Variants in RTN4R observed in about 807,000 individuals in gnomAD.
The protein encoded by RTN4R is reticulon 4 receptor, also known as reticulon-4 receptor.
A neutral mutation model predicts 27.7 loss-of-function variants in RTN4R; 4 were observed. The observed-to-expected ratio is 0.14, with a 90% CI of 0.07 to 0.33. The LOEUF (loss-of-function observed/expected upper bound fraction) is 0.33. Among genes scored for constraint, RTN4R ranks in the 10% least tolerant of loss-of-function variants. The pLI is 1.00. For missense variants in RTN4R, 554 were observed against 671.5 expected (o/e 0.83, Z 1.93); for synonymous variants, 290 against 305.6 (o/e 0.95, Z 0.53).
chr22:20,252,675 C>T (rs2051191206), intron 1 of RTN4R, among the ~76,000 whole-genome samples: 1 of 152,160 alleles, frequency 6.6e-6, no homozygotes, highest in Non-Finnish European at 1.5e-5. Context: ...CCAGGGATGA[C>T]ACAGCAGGGA....
rs932130448 is a variant in RTN4R at position 20,245,813 on chromosome 22, C to T, written c.23-2703G>A. Among the ~76,000 whole-genome samples the T allele has an allele frequency of 4.6e-5, 7 of 152,202 alleles. No homozygotes were observed. The East Asian group carries it at 5.8e-4, about 13-fold the overall frequency. ...AGTCTCACCCTGGCCCCAGTTCTCA[C>T]GGAGCCTCCAGTATGAGCTCTGTCC... On this transcript the variant is annotated intron_variant, in intron 1 of 1. Transcript: ENST00000043402.
chr22:20,256,031 C>G (rs2051210323), intron 1 of RTN4R, among the ~76,000 whole-genome samples: 1 of 152,226 alleles, frequency 6.6e-6, no homozygotes, highest in African/African-American at 2.4e-5. Flanking sequence ...GGGATGGAAA[C>G]TGTTGTCGGC....
Position 20,242,972 on chromosome 22 carries a change from C to T in RTN4R, c.161G>A (p.Gly54Asp). 1 of 1,611,668 alleles carries T rather than the reference C, an allele frequency of 6.2e-7. No homozygotes were observed. The highest frequency in any genetic ancestry group is 8.5e-7 in the Non-Finnish European group (1 of 1,179,726). Residue 54 changes from glycine to aspartate, a missense_variant, in exon 2 of 2, where the codon GGC becomes GAC. Coordinates refer to ENST00000043402, the MANE Select transcript of RTN4R (RefSeq NM_023004.6). ...PQQGLQAVPV[G>D]IPAASQRIFL... ...GATGCGCTGGCTGGCAGCAGGGATG[C>T]CCACGGGCACAGCCTGCAGGCCCTG...
At chr22:20,251,965 CATCACT>C (rs2051184807) in intron 1 of RTN4R, among the ~76,000 whole-genome samples, 2 of 39,480 alleles carry the variant, frequency 5.1e-5, no homozygotes, top group Admixed American at 2.8e-4. Flanking sequence ...TCCTTATCCT[CATCACT>C]ATCACCATCA....
chr22:20,242,679 C>T lies in RTN4R; in HGVS notation c.454G>A (p.Gly152Ser), dbSNP rs780602649. Residue 152 changes from glycine (G) to serine (S), a missense_variant, in exon 2 of 2, where the codon GGC (glycine) becomes AGC (serine). Gly to Ser is a moderately conservative substitution (Grantham distance 56). Coordinates refer to ENST00000043402, the MANE Select transcript of RTN4R (RefSeq NM_023004.6). ...TAGAGGTACTGCAGGGCAGCCAGGC[C>T]GCGGAACAGCCCCGGGCCCAGCTCC... ...LQELGPGLFR[G>S]LAALQYLYLQ... 8.1e-6 allele frequency: 13 copies of T among 1,612,366 alleles called. No homozygotes were observed. The highest frequency in any genetic ancestry group is 2.7e-5 in the African/African-American group (2 of 74,936).
At chr22:20,250,745 T>A (rs1193907206) in intron 1 of RTN4R, among the ~76,000 whole-genome samples, 1 of 151,772 alleles carries the variant, frequency 6.6e-6, no homozygotes, top group African/African-American at 2.4e-5. Flanking sequence ...CTGTCAGGAG[T>A]CTCACAGTCA....
At chr22:20,258,850 T>C (rs1013044545) in intron 1 of RTN4R, among the ~76,000 whole-genome samples, 1 of 151,976 alleles carries the variant, frequency 6.6e-6, no homozygotes, top group African/African-American at 2.4e-5. Context: ...GTGGTTGGGG[T>C]GGCTTCCCGG....
At chr22:20,261,482 C>T (rs1172740958) in intron 1 of RTN4R, among the ~76,000 whole-genome samples, 2 of 152,210 alleles carry the variant, frequency 1.3e-5, no homozygotes, top group African/African-American at 2.4e-5. Context: ...AGTGCTCACT[C>T]ACCACCGCTC....
intron 1 of RTN4R, among the ~76,000 whole-genome samples, chr22:20,267,023 C>A (rs951373375): frequency 5.3e-5 from 8 of 152,342 alleles, no homozygotes; most frequent in Middle Eastern, 3.4e-3. Context: ...GTGGTTATTG[C>A]GAAAGGGGCC....
chr22:20,265,194 A>G (rs2145987006), intron 1 of RTN4R, among the ~76,000 whole-genome samples: 1 of 152,284 alleles, frequency 6.6e-6, no homozygotes. Flanking sequence ...GGCAGGGACG[A>G]GGAGAGGGCA....
At chr22:20,265,501 A>G (rs1455610323) in intron 1 of RTN4R, among the ~76,000 whole-genome samples, 3 of 151,880 alleles carry the variant, frequency 2.0e-5, no homozygotes, top group Non-Finnish European at 4.4e-5. Flanking sequence ...ATGCAAACCT[A>G]CGTTTCTGCC....
Position 20,242,279 on chromosome 22 carries a change from A to G in RTN4R, c.854T>C (p.Val285Ala). 1.3e-6 allele frequency: 2 copies of G among 1,598,690 alleles called. No individual in the cohort carries two copies. Among genetic ancestry groups the G allele is most frequent in the Non-Finnish European group, 8.5e-7 (1 of 1,173,856 alleles). Residue 285 changes from valine (V) to alanine (A), a missense_variant, in exon 2 of 2, where the codon GTG becomes GCG. Around this residue, in one of 2 missense-constraint regions of RTN4R, gnomAD observed 413 missense variants for 542.3 expected, o/e 0.76. Coordinates refer to ENST00000043402, the MANE Select transcript of RTN4R (RefSeq NM_023004.6). ...CAGGCGTTGCGGGAGGCTGCAGGGC[A>G]CCTCGGAGGAGGAGCCGCGGAACTT... is the stretch of plus-strand genomic sequence containing the variant. ...LQKFRGSSSE[V>A]PCSLPQRLAG... is the part of the protein sequence containing the mutation.
intron 1 of RTN4R, chr22:20,267,648 T>A: frequency 2.1e-6 from 1 of 467,058 alleles, no homozygotes; most frequent in South Asian, 1.6e-5. Context: ...ACCGTGAGGC[T>A]GGGGTGGAGG....
In RTN4R at chr22:20,242,067, C is replaced by T. The variant is rs138981042; in HGVS notation, c.1066G>A (p.Gly356Ser). The change falls in exon 2 of 2, where the codon GGC becomes AGC. Residue 356 changes from glycine (G) to serine (S), a missense_variant. Coordinates refer to ENST00000043402, the MANE Select transcript of RTN4R (RefSeq NM_023004.6). Reference sequence around the variant, plus strand: ...GGCACGCGTCCCTTCAGCGCATTGCCTGCCGAAGCTGGTCTTCCAGGCTCC... The same window carrying T: ...GGCACGCGTCCCTTCAGCGCATTGCTTGCCGAAGCTGGTCTTCCAGGCTCC... ...VLEPGRPASA[G>S]NALKGRVPPG... 31 of 1,612,534 alleles carry T rather than the reference C, an allele frequency of 1.9e-5. No homozygotes were observed. The African/African-American group carries it at 3.3e-4, about 17-fold the overall frequency.
intron 1 of RTN4R, among the ~76,000 whole-genome samples, chr22:20,260,010 T>C (rs771857753): frequency 6.6e-6 from 1 of 152,118 alleles, no homozygotes; most frequent in Non-Finnish European, 1.5e-5. Flanking sequence ...TGGGAGTGCA[T>C]CTTGGTGCCT....
intron 1 of RTN4R, among the ~76,000 whole-genome samples, chr22:20,267,222 G>C (rs2051282897): frequency 6.6e-6 from 1 of 152,260 alleles, no homozygotes; most frequent in Admixed American, 6.5e-5. Context: ...CAAGTGTGCA[G>C]TCCGTGTAGA....
rs1054118194 is a variant in RTN4R, at chr22:20,255,345, G to A, written c.23-12235C>T. On this transcript the variant is annotated intron_variant, in intron 1 of 1. Coordinates refer to ENST00000043402, the MANE Select transcript of RTN4R (RefSeq NM_023004.6). The surrounding 1 kb of genome is among the most constrained non-coding windows in gnomAD (Gnocchi z 4.8). ...GGTTAGAAGCAGGTGTCTCCAAGGTGCAGGAGGAGAGCGAGGGACAGTGAG... is the reference window on the plus strand; with the variant it reads ...GGTTAGAAGCAGGTGTCTCCAAGGTACAGGAGGAGAGCGAGGGACAGTGAG... Among the ~76,000 whole-genome samples, 3 of 152,240 alleles carry A rather than the reference G, an allele frequency of 2.0e-5. No homozygotes were observed. The highest frequency in any genetic ancestry group is 4.8e-5 in the African/African-American group (2 of 41,462).
chr22:20,268,079 G>T lies in RTN4R; in HGVS notation c.14C>A (p.Ser5Tyr), dbSNP rs1438046509. 8.4e-7 allele frequency: 1 copy of T among 1,195,770 alleles called. No homozygotes were observed. 74.1% of individuals were successfully genotyped at this position (1,195,770 alleles called of 1,614,324 possible). A position where few individuals can be genotyped will look rare whatever the true frequency, so the allele number is the denominator to read the frequency against. MKRA[S>Y]AGGSRLLAWV... ...GCAGCGCGGACACTCACCTCCAGCG[G>T]ACGCCCTCTTCATCGTAGGGGTTGG... is the stretch of plus-strand genomic sequence containing the variant. Residue 5 changes from serine to tyrosine, a missense_variant, in exon 1 of 2, where the codon TCC becomes TAC. Transcript: ENST00000043402.
At chr22:20,257,512 G>C (rs2051218686) in intron 1 of RTN4R, among the ~76,000 whole-genome samples, 1 of 152,168 alleles carries the variant, frequency 6.6e-6, no homozygotes, top group Non-Finnish European at 1.5e-5. Flanking sequence ...CGGTAAGGAG[G>C]TGGCTACCTG....
Sources: allele counts gnomAD v4.1 joint callset (sites outside exome capture counted in the v4.1 genomes callset), GRCh38; gene constraint gnomAD v4.1.1; regional missense constraint gnomAD v4.1.1; non-coding constraint Gnocchi (gnomAD v3.1); transcripts MANE v1.5; gene names NCBI Gene and HGNC (gene_info 2026-07-23, HGNC 2026-07-21).